The following PTPRO variants were observed in gnomAD, a reference collection of about 807,000 sequenced individuals.
PTPRO encodes receptor-type tyrosine-protein phosphatase O.
PTPRO carries 62 observed loss-of-function variants against 145.2 expected under a neutral mutation model. That is an observed-to-expected ratio of 0.43 (90% CI 0.35 to 0.53). The LOEUF is 0.53. PTPRO is among the 20% of genes least tolerant of loss of function. The probability of loss-of-function intolerance (pLI) is 0.01; values close to 1 mark genes in which losing one functional copy is unlikely to be tolerated. For missense variants in PTPRO, 1,345 were observed against 1,482.7 expected, an observed-to-expected ratio of 0.91 and a Z score of 1.53; for synonymous variants, 565 against 514.7, an observed-to-expected ratio of 1.10 and a Z score of -1.32.
rs541464067 is a variant in PTPRO, at chr12:15,494,292, T to G, written c.350-2953T>G. Among the ~76,000 whole-genome samples, 17 of 152,286 alleles carry G rather than the reference T, an allele frequency of 1.1e-4. 1 individual carries two copies. Among genetic ancestry groups the G allele is most frequent in the African/African-American group, 4.1e-4 (17 of 41,560 alleles). ...CTTGTCCAACAACTCCATTTCTCTGTCCAGTCCAGGCTGGTCATAAGAAAA... is the reference window on the plus strand; with the variant it reads ...CTTGTCCAACAACTCCATTTCTCTGGCCAGTCCAGGCTGGTCATAAGAAAA... On this transcript the variant is annotated intron_variant, in intron 2 of 26. Transcript: ENST00000281171.
At chr12:15,450,162 C>T (rs962114799) in intron 1 of PTPRO, among the ~76,000 whole-genome samples, 1 of 152,192 alleles carries the variant, frequency 6.6e-6, no homozygotes, top group African/African-American at 2.4e-5. Flanking sequence ...ATATTTCCTA[C>T]AGCCCTATGG....
chr12:15,354,706 A>G (rs906598717), intron 1 of PTPRO, among the ~76,000 whole-genome samples: 1 of 152,182 alleles, frequency 6.6e-6, no homozygotes, highest in African/African-American at 2.4e-5. Flanking sequence ...GGTTTGTTAT[A>G]TGGTATAATA....
At chr12:15,398,560 A>G (rs1939406895) in intron 1 of PTPRO, among the ~76,000 whole-genome samples, 1 of 152,106 alleles carries the variant, frequency 6.6e-6, no homozygotes, top group Non-Finnish European at 1.5e-5. Context: ...CGCCTACCAC[A>G]GAGTGTTTTG....
chr12:15,500,083 GTGGA>G (rs1555169986), intron 4 of PTPRO, among the ~76,000 whole-genome samples: 255 of 150,034 alleles, frequency 1.7e-3, no homozygotes, highest in East Asian at 5.5e-3. Context: ...AGATGGATGG[GTGGA>G]TGGATGGATG....
intron 1 of PTPRO, among the ~76,000 whole-genome samples, chr12:15,357,949 C>T (rs543026269): frequency 1.1e-4 from 16 of 151,058 alleles, no homozygotes; most frequent in African/African-American, 3.4e-4. Context: ...ATGTTTATTG[C>T]GTCACTATTC....
At chr12:15,440,242 CT>C in intron 1 of PTPRO, 1 of 635,966 alleles carries the variant, frequency 1.6e-6, no homozygotes, top group Non-Finnish European at 2.8e-6. Flanking sequence ...CCAAGGCCAC[CT>C]TTGATGCCAT....
intron 1 of PTPRO, among the ~76,000 whole-genome samples, chr12:15,353,363 A>C (rs553967164): frequency 6.6e-6 from 1 of 152,314 alleles, no homozygotes; most frequent in East Asian, 1.9e-4. Context: ...CCAGCCATTT[A>C]GTCTGTCCCT....
chr12:15,456,892 T>A (rs1941192246), intron 1 of PTPRO, among the ~76,000 whole-genome samples: 1 of 152,190 alleles, frequency 6.6e-6, no homozygotes, highest in Non-Finnish European at 1.5e-5. Context: ...ATCTTGTTAA[T>A]CTTATCTTTT....
intron 2 of PTPRO, among the ~76,000 whole-genome samples, chr12:15,496,956 T>C (rs754901740): frequency 4.6e-5 from 7 of 152,218 alleles, no homozygotes; most frequent in Non-Finnish European, 8.8e-5. Context: ...ATTATATTTA[T>C]AGGTGGGATG....
chr12:15,322,717 C>T lies in PTPRO; in HGVS notation c.-10C>T. On this transcript the variant is annotated 5_prime_UTR_variant, in exon 1 of 27. Coordinates refer to ENST00000281171, the MANE Select transcript of PTPRO (RefSeq NM_030667.3). The surrounding 1 kb of genome is among the most constrained non-coding windows in gnomAD (Gnocchi z 6.3). ...CGCAGCCGTGCCCCCGAGTCCCCGT[C>T]CGCGCAGCGATGGGGCACCTGCCCA... 1.2e-6 allele frequency: 2 copies of T among 1,609,988 alleles called. No individual in the cohort carries two copies. Among genetic ancestry groups the T allele is most frequent in the Admixed American group, 1.7e-5 (1 of 59,826 alleles).
chr12:15,506,727 G>A (rs901373489), intron 6 of PTPRO, among the ~76,000 whole-genome samples: 1 of 152,116 alleles, frequency 6.6e-6, no homozygotes, highest in Non-Finnish European at 1.5e-5. Flanking sequence ...TCGACAAGTG[G>A]GGATTACAAT....
rs774809647 is a variant in PTPRO, at chr12:15,439,834, C to A, written c.76-44140C>A. 7.4e-5 allele frequency: 46 copies of A among 618,360 alleles called. No individual in the cohort carries two copies. The Middle Eastern group carries it at 2.9e-3, about 39-fold the overall frequency. 38.3% of individuals were successfully genotyped at this position (618,360 alleles called of 1,614,324 possible). On this transcript the variant is annotated intron_variant, in intron 1 of 26. Coordinates refer to ENST00000281171, the MANE Select transcript of PTPRO (RefSeq NM_030667.3). The stretch of plus-strand genomic sequence containing the variant: ...TTTTCTTGGGGGCCTCTCTCAAGAA[C>A]AAGGATTTGAAGATTATGATGGTGC...
intron 19 of PTPRO, among the ~76,000 whole-genome samples, chr12:15,573,663 G>A (rs1944111879): frequency 6.6e-6 from 1 of 152,074 alleles, no homozygotes; most frequent in South Asian, 2.1e-4. Context: ...GTATGTTTTG[G>A]ACTAACATTT....
At chr12:15,482,600 C>T (rs1484917210) in intron 1 of PTPRO, among the ~76,000 whole-genome samples, 1 of 152,084 alleles carries the variant, frequency 6.6e-6, no homozygotes, top group Admixed American at 6.6e-5. Flanking sequence ...GCTCATTACA[C>T]AATGTATATA....
intron 2 of PTPRO, among the ~76,000 whole-genome samples, chr12:15,485,423 G>A (rs1941864922): frequency 6.6e-6 from 1 of 152,052 alleles, no homozygotes; most frequent in African/African-American, 2.4e-5. Flanking sequence ...GCAGATATAG[G>A]CACATAACGC....
chr12:15,560,429 G>A (rs889984545), intron 17 of PTPRO, among the ~76,000 whole-genome samples, 153 bp downstream of exon 17: 3 of 152,106 alleles, frequency 2.0e-5, no homozygotes, highest in South Asian at 4.2e-4. Flanking sequence ...AGCAGTTACC[G>A]GTACAAAGAT....
intron 1 of PTPRO, among the ~76,000 whole-genome samples, chr12:15,401,219 G>A (rs992034369): frequency 6.6e-6 from 1 of 152,122 alleles, no homozygotes; most frequent in African/African-American, 2.4e-5. Flanking sequence ...TGACTCCCCA[G>A]GGTTTTAGCC....
chr12:15,511,003 C>CAAAAAAAA (rs10648692), intron 7 of PTPRO, among the ~76,000 whole-genome samples: 1,675 of 104,932 alleles, frequency 0.016, 64 homozygotes, highest in South Asian at 0.047. Context: ...TCTGTCTCCA[C>CAAAAAAAA]AAAAAAAAAA....
intron 1 of PTPRO, among the ~76,000 whole-genome samples, chr12:15,336,575 C>A (rs890313186): frequency 1.4e-4 from 22 of 152,050 alleles, no homozygotes; most frequent in Admixed American, 2.0e-4. Flanking sequence ...CATTTTTTCA[C>A]AACTAAACAC....
Sources: gnomAD v4.1 joint callset for allele counts (sites outside exome capture counted in the v4.1 genomes callset) on GRCh38, gnomAD v4.1.1 for gene constraint, Gnocchi (gnomAD v3.1) non-coding constraint, MANE v1.5 for transcripts, NCBI Gene and HGNC (gene_info 2026-07-23, HGNC 2026-07-21) for gene names.